RBFOX1: variants seen among roughly 807,000 people sequenced by gnomAD.
RBFOX1 encodes RNA binding protein fox-1 homolog 1.
A neutral mutation model predicts 57.7 loss-of-function variants in RBFOX1; 8 were observed. That is an observed-to-expected ratio of 0.14 (90% CI 0.08 to 0.25). The LOEUF (loss-of-function observed/expected upper bound fraction) is 0.25. Ranked by LOEUF, RBFOX1 falls within the 10% of genes least tolerant of loss-of-function variation. RBFOX1 has a pLI of 1.00. For synonymous variants in RBFOX1, 326 were observed against 222.4 expected (o/e 1.47, Z -4.15); for missense variants, 611 against 548.5 (o/e 1.11, Z -1.14).
chr16:7,127,102 G>A (rs2068784615), intron 4 of RBFOX1, among the ~76,000 whole-genome samples: 1 of 150,828 alleles, frequency 6.6e-6, no homozygotes, highest in African/African-American at 2.4e-5. Flanking sequence ...ATGACTGAGG[G>A]GAGCACTTCA....
At chr16:5,986,728 T>G (rs749870340) in intron 4 of RBFOX1, among the ~76,000 whole-genome samples, 72 of 152,224 alleles carry the variant, frequency 4.7e-4, no homozygotes, top group Non-Finnish European at 9.8e-4. Flanking sequence ...CTCCCTTTCA[T>G]TGCTGAATAG....
chr16:7,445,161 A>C (rs1049192911), intron 4 of RBFOX1, among the ~76,000 whole-genome samples: 1 of 152,170 alleles, frequency 6.6e-6, no homozygotes, highest in African/African-American at 2.4e-5. Context: ...AGGGCTCAGC[A>C]TGTGCCTGGG....
intron 2 of RBFOX1, among the ~76,000 whole-genome samples, chr16:5,543,151 C>T (rs2045036137): frequency 6.6e-6 from 1 of 152,064 alleles, no homozygotes; most frequent in Non-Finnish European, 1.5e-5. Context: ...TATCCCAGAA[C>T]AAAGGTCAAG....
rs373938277 is a variant in RBFOX1 at position 5,438,910 on chromosome 16, T to G, written c.220-28306T>G. 7.8e-4 allele frequency among the ~76,000 whole-genome samples: 118 copies of G among 152,198 alleles called. No homozygotes were observed. In the South Asian group the frequency reaches 0.023, roughly 30 times the overall value. ...GGAGGTGAAGAAGGTCTCTCTTGTCTTCAAGCTAATGTTCTAGTAGTTGTG... is the reference window on the plus strand; with the variant it reads ...GGAGGTGAAGAAGGTCTCTCTTGTCGTCAAGCTAATGTTCTAGTAGTTGTG... On this transcript the variant is annotated intron_variant, in intron 1 of 2. Transcript: ENST00000585867.
At chr16:5,240,712 C>T (rs569276181) in intron 1 of RBFOX1, among the ~76,000 whole-genome samples, 4 of 152,338 alleles carry the variant, frequency 2.6e-5, no homozygotes, top group Non-Finnish European at 4.4e-5. Context: ...GGCAAAGTTC[C>T]TTGCATCCCT....
At chr16:6,824,445 C>G (rs1220203094) in intron 3 of RBFOX1, among the ~76,000 whole-genome samples, 1 of 152,168 alleles carries the variant, frequency 6.6e-6, no homozygotes, top group Non-Finnish European at 1.5e-5. Flanking sequence ...CAAGGCAACT[C>G]AAGATGTTCT....
At chr16:7,032,095 C>A (rs958599818) in intron 3 of RBFOX1, among the ~76,000 whole-genome samples, 1 of 152,088 alleles carries the variant, frequency 6.6e-6, no homozygotes, top group Non-Finnish European at 1.5e-5. Context: ...GTAGTGTCCC[C>A]TCTTGAGAAT....
At chr16:6,389,767 G>C in intron 2 of RBFOX1, among the ~76,000 whole-genome samples, 1 of 152,188 alleles carries the variant, frequency 6.6e-6, no homozygotes, top group Non-Finnish European at 1.5e-5. Flanking sequence ...GAGGTTCAGG[G>C]ACTCAAAGAC....
intron 4 of RBFOX1, among the ~76,000 whole-genome samples, chr16:7,365,931 C>T (rs2097435352): frequency 6.6e-6 from 1 of 152,180 alleles, no homozygotes; most frequent in Non-Finnish European, 1.5e-5. Context: ...CACAAACTAG[C>T]TTCCTGCACA....
chr16:6,744,838 G>A (rs535936890), intron 3 of RBFOX1, among the ~76,000 whole-genome samples: 4 of 152,028 alleles, frequency 2.6e-5, no homozygotes, highest in African/African-American at 9.7e-5. Context: ...TAAAGATCAG[G>A]GTTGAAATCA....
chr16:5,318,123 C>A (rs144253255), intron 1 of RBFOX1, among the ~76,000 whole-genome samples: 302 of 151,682 alleles, frequency 2.0e-3, no homozygotes, highest in African/African-American at 6.8e-3. Context: ...TTTACACCTA[C>A]TGTTTTTTTT....
chr16:7,475,405 C>A (rs1247260955), intron 4 of RBFOX1, among the ~76,000 whole-genome samples: 1 of 151,686 alleles, frequency 6.6e-6, no homozygotes, highest in African/African-American at 2.4e-5. Flanking sequence ...ACTTCTGCCT[C>A]CCGGGTTCAA....
At chr16:7,472,182 C>G (rs1296083218) in intron 4 of RBFOX1, among the ~76,000 whole-genome samples, 2 of 152,092 alleles carry the variant, frequency 1.3e-5, no homozygotes, top group African/African-American at 4.8e-5. Flanking sequence ...CATAGCTTCT[C>G]TTTTAAGAGA....
intron 3 of RBFOX1, among the ~76,000 whole-genome samples, chr16:6,753,605 A>G (rs1175195446): frequency 6.6e-6 from 1 of 152,166 alleles, no homozygotes. Context: ...CAACTCCTGT[A>G]AGTAGAACCA....
intron 3 of RBFOX1, among the ~76,000 whole-genome samples, chr16:6,964,382 G>A (rs754077089): frequency 1.1e-4 from 17 of 152,118 alleles, no homozygotes; most frequent in Non-Finnish European, 1.6e-4. Context: ...GATCTGTGTC[G>A]TTATATATTG....
intron 3 of RBFOX1, among the ~76,000 whole-genome samples, chr16:6,710,466 G>T (rs534350793): frequency 6.6e-6 from 1 of 151,978 alleles, no homozygotes; most frequent in Non-Finnish European, 1.5e-5. Context: ...TTTATTGTGC[G>T]TTTCATGCTG....
intron 4 of RBFOX1, among the ~76,000 whole-genome samples, chr16:7,422,524 C>T (rs1206486376): frequency 6.6e-6 from 1 of 152,136 alleles, no homozygotes; most frequent in Non-Finnish European, 1.5e-5. Context: ...TCCGTGACCC[C>T]GTCACTGGGG....
chr16:5,328,115 T>TG (rs537489003), intron 1 of RBFOX1, among the ~76,000 whole-genome samples: 1 of 152,196 alleles, frequency 6.6e-6, no homozygotes, highest in Non-Finnish European at 1.5e-5. Context: ...AGCCCTTTTG[T>TG]GCCTGTTATG....
At chr16:5,409,842 G>A (rs2066967618) in intron 1 of RBFOX1, among the ~76,000 whole-genome samples, 1 of 152,130 alleles carries the variant, frequency 6.6e-6, no homozygotes, top group African/African-American at 2.4e-5. Context: ...GAGGTCAGGA[G>A]TTCGAGACCA....
Sources: gnomAD v4.1 joint callset for allele counts (sites outside exome capture counted in the v4.1 genomes callset) on GRCh38, gnomAD v4.1.1 for gene constraint, MANE v1.5 for transcripts, NCBI Gene and HGNC (gene_info 2026-07-23, HGNC 2026-07-21) for gene names.